Variants in ARMC9 observed in about 807,000 individuals in gnomAD.
ARMC9 encodes the protein lisH domain-containing protein ARMC9.
In ARMC9, 94 loss-of-function variants were observed where a neutral mutation model predicts 107.0. That is an observed-to-expected ratio of 0.88 (90% CI 0.74 to 1.04). The LOEUF (loss-of-function observed/expected upper bound fraction) is 1.04, where lower values mean the gene tolerates loss of function less well. Among genes scored for constraint, ARMC9 ranks in the 50% least tolerant of loss-of-function variants. ARMC9 has a pLI of 0.00. For missense variants in ARMC9, 942 were observed against 1,030.1 expected (o/e 0.91, Z 1.17); for synonymous variants, 380 against 396.9 (o/e 0.96, Z 0.51).
chr2:231,276,827 C>G (rs1307634698), intron 15 of ARMC9, 52 bp downstream of exon 15: 1 of 1,594,888 alleles, frequency 6.3e-7, no homozygotes, highest in Middle Eastern at 1.8e-4. Flanking sequence ...GATCTTGACT[C>G]TTGAAGCTGG....
At chr2:231,231,647 G>A (rs898538158) in intron 7 of ARMC9, among the ~76,000 whole-genome samples, 1 of 151,054 alleles carries the variant, frequency 6.6e-6, no homozygotes, top group Admixed American at 6.6e-5. Context: ...GCTTCCCAAA[G>A]TGCTGGGATT....
chr2:231,356,242 G>T (rs1347752486), intron 22 of ARMC9, among the ~76,000 whole-genome samples: 1 of 152,148 alleles, frequency 6.6e-6, no homozygotes, highest in Non-Finnish European at 1.5e-5. Context: ...GGCTGATGTT[G>T]ATCTGTGACC....
At chr2:231,371,126 C>G in intron 24 of ARMC9, 1 of 492,740 alleles carries the variant, frequency 2.0e-6, no homozygotes. Context: ...GAGGCTCGGC[C>G]AGGAGGAAGG....
chr2:231,200,794 C>G (rs1171941222), intron 1 of ARMC9, among the ~76,000 whole-genome samples: 1 of 151,536 alleles, frequency 6.6e-6, no homozygotes, highest in Non-Finnish European at 1.5e-5. Flanking sequence ...GAGATCCCGC[C>G]ACTGCACTCC....
intron 9 of ARMC9, among the ~76,000 whole-genome samples, chr2:231,253,614 C>T (rs942155929): frequency 6.6e-6 from 1 of 152,240 alleles, no homozygotes; most frequent in Middle Eastern, 3.4e-3. Context: ...CAGGCATGTC[C>T]GCTGGGGACC....
At chr2:231,204,370 T>G (rs57199832) in intron 1 of ARMC9, among the ~76,000 whole-genome samples, 41,990 of 151,700 alleles carry the variant, frequency 0.28, 6,081 homozygotes, top group African/African-American at 0.34. Context: ...ACCCCAAGAC[T>G]GCAGAGCTCT....
At chr2:231,230,963 TG>T (rs2035158157) in intron 7 of ARMC9, among the ~76,000 whole-genome samples, 1 of 152,252 alleles carries the variant, frequency 6.6e-6, no homozygotes, top group Non-Finnish European at 1.5e-5. Flanking sequence ...TCAGCCCTAT[TG>T]CCTGCTTCTC....
At chr2:231,370,678 G>C (rs917589697) in intron 24 of ARMC9, 2 of 165,978 alleles carry the variant, frequency 1.2e-5, no homozygotes, top group Admixed American at 1.2e-4. Context: ...TCTCCCTGGG[G>C]CCTCTCTCTC....
chr2:231,342,788 T>C (rs6749564), intron 20 of ARMC9, among the ~76,000 whole-genome samples: 18,026 of 152,194 alleles, frequency 0.12, 3,536 homozygotes, highest in African/African-American at 0.41. Context: ...ATTTTAGTTT[T>C]TATTTACGTG....
chr2:231,318,110 C>T (rs1267658638), intron 19 of ARMC9, among the ~76,000 whole-genome samples: 4 of 151,616 alleles, frequency 2.6e-5, no homozygotes, highest in Non-Finnish European at 4.4e-5. Flanking sequence ...AACGTGTTGT[C>T]GTGATTCTAG....
chr2:231,370,962 C>T, intron 24 of ARMC9: 1 of 448,634 alleles, frequency 2.2e-6, no homozygotes, highest in Non-Finnish European at 4.5e-6. Context: ...CTCTGGTCAG[C>T]TGGGGACACG....
At chr2:231,366,820 A>G (rs2045835580) in intron 23 of ARMC9, among the ~76,000 whole-genome samples, 2 of 149,010 alleles carry the variant, frequency 1.3e-5, no homozygotes, top group African/African-American at 5.0e-5. Context: ...CAGCCTGGTG[A>G]TAGAGCGAGA....
intron 10 of ARMC9, among the ~76,000 whole-genome samples, chr2:231,258,300 G>C (rs1463242468): frequency 6.6e-6 from 1 of 152,040 alleles, no homozygotes; most frequent in Non-Finnish European, 1.5e-5. Context: ...TCCTGTCTCA[G>C]CCTCCCGAGT....
At chr2:231,281,513 A>G (rs769023538) in intron 16 of ARMC9, among the ~76,000 whole-genome samples, 38 of 152,082 alleles carry the variant, frequency 2.5e-4, no homozygotes, top group Non-Finnish European at 4.3e-4. Context: ...GGTTTCGGAG[A>G]TGGAGAGAGG....
Position 231,278,409 on chromosome 2 carries a change from G to T in ARMC9, c.1502G>T (p.Gly501Val), listed in dbSNP as rs777000520. Residue 501 changes from glycine to valine, a missense_variant, in exon 16 of 25, where the codon GGC becomes GTC. Physicochemically the swap from Gly to Val is moderately radical, Grantham distance 109. Transcript: ENST00000611582. ...AAGAACATGTGTGCCAAGGTGGCAG[G>T]CCTCGTGCTCAAAGTCCTTTCGGAT... Reference protein sequence around the residue: ...TGKNMCAKVAGLVLKVLSDLL... With the variant: ...TGKNMCAKVAVLVLKVLSDLL... 11 of 1,614,144 alleles carry T rather than the reference G, an allele frequency of 6.8e-6. No homozygotes were observed. The South Asian group carries it at 1.1e-4, about 16-fold the overall frequency.
At chr2:231,201,741 C>T (rs1421306859) in intron 1 of ARMC9, among the ~76,000 whole-genome samples, 1 of 152,210 alleles carries the variant, frequency 6.6e-6, no homozygotes, top group Non-Finnish European at 1.5e-5. Context: ...TTTTCCCTTT[C>T]CTCTCTCTTC....
intron 15 of ARMC9, among the ~76,000 whole-genome samples, chr2:231,277,569 T>TC (rs1255064753): frequency 1.2e-3 from 181 of 151,982 alleles, no homozygotes; most frequent in African/African-American, 4.1e-3. Flanking sequence ...AGCCTTTTTT[T>TC]TTTTTTTTTG....
At chr2:231,351,045 A>G (rs537736046) in intron 21 of ARMC9, among the ~76,000 whole-genome samples, 68 of 119,632 alleles carry the variant, frequency 5.7e-4, no homozygotes, top group African/African-American at 2.2e-3. Flanking sequence ...TGCAAGCTCC[A>G]TCTCCCAGTT....
At chr2:231,281,044 A>G (rs1259759615) in intron 16 of ARMC9, among the ~76,000 whole-genome samples, 2 of 152,192 alleles carry the variant, frequency 1.3e-5, no homozygotes, top group African/African-American at 4.8e-5. Flanking sequence ...CAGCCTGCTG[A>G]AAAGGGAACT....
Sources: allele counts gnomAD v4.1 joint callset (sites outside exome capture counted in the v4.1 genomes callset), GRCh38; gene constraint gnomAD v4.1.1; transcripts MANE v1.5; gene names NCBI Gene and HGNC (gene_info 2026-07-23, HGNC 2026-07-21).